Variants in MLLT10 observed in about 807,000 individuals in gnomAD.
MLLT10 encodes protein AF-10.
In MLLT10, 30 loss-of-function variants were observed where a neutral mutation model predicts 129.1. The ratio of observed to expected loss-of-function variants is 0.23; its 90% CI spans 0.17 to 0.32. The LOEUF is 0.32. MLLT10 is among the 10% of genes least tolerant of loss of function. MLLT10 has a pLI of 1.00. For missense variants in MLLT10, 1,119 were observed against 1,268.3 expected, an observed-to-expected ratio of 0.88 and a Z score of 1.79; for synonymous variants, 490 against 446.4, an observed-to-expected ratio of 1.10 and a Z score of -1.23.
At position 21,733,749 on chromosome 10, in the gene MLLT10, C is replaced by T; in HGVS notation, c.2497-19C>T. On this transcript the variant is annotated intron_variant, in intron 19 of 22. Transcript: ENST00000307729. Reference sequence around the variant, plus strand: ...ACTTAATGTCCAGTGGACTTAGTTTCTCTTCTTTCTTACGCTAGGACTTAA... The same window carrying T: ...ACTTAATGTCCAGTGGACTTAGTTTTTCTTCTTTCTTACGCTAGGACTTAA... 2 of 1,586,720 alleles carry T rather than the reference C, an allele frequency of 1.3e-6. No individual in the cohort carries two copies. Among genetic ancestry groups the T allele is most frequent in the East Asian group, 2.2e-5 (1 of 44,624 alleles).
rs1010148341 is a variant in MLLT10, at chr10:21,552,901, C to T, written c.240+13989C>T. ...CTTTCTTCTCTCCCCTTTTACTTTC[C>T]CTTGTCTTTCCTCCCCCTTCCTTTC... On this transcript the variant is annotated intron_variant, in intron 3 of 22. Transcript: ENST00000307729. 6.6e-5 allele frequency among the ~76,000 whole-genome samples: 10 copies of T among 151,704 alleles called. No homozygotes were observed. The East Asian group carries it at 1.7e-3, about 26-fold the overall frequency.
intron 21 of MLLT10, among the ~76,000 whole-genome samples, chr10:21,738,925 C>A (rs1181242154): frequency 6.6e-6 from 1 of 152,128 alleles, no homozygotes. Flanking sequence ...CCAGCCAGAC[C>A]TCTCTCTGGA....
At chr10:21,681,446 C>A in intron 12 of MLLT10, 70 bp downstream of exon 12, 1 of 1,055,238 alleles carries the variant, frequency 9.5e-7, no homozygotes. Context: ...GTATGTTATG[C>A]CACCTCGGAA....
chr10:21,597,970 T>C (rs2043173177), intron 5 of MLLT10, among the ~76,000 whole-genome samples: 3 of 152,354 alleles, frequency 2.0e-5, no homozygotes, highest in Admixed American at 1.3e-4. Context: ...TTTCTTTTTA[T>C]AGTCAGTATG....
chr10:21,692,751 T>C (rs2053996301), intron 13 of MLLT10, among the ~76,000 whole-genome samples: 1 of 152,030 alleles, frequency 6.6e-6, no homozygotes, highest in Non-Finnish European at 1.5e-5. Context: ...CCTCCCGAAG[T>C]GCTGGGATTA....
Position 21,681,365 on chromosome 10 carries a change from G to T in MLLT10, c.1655G>T (p.Cys552Phe). Residue 552 changes from cysteine to phenylalanine, a missense_variant, in exon 12 of 23, where the codon TGC (cysteine) becomes TTC (phenylalanine). Cys to Phe is a radical substitution (Grantham distance 205). This residue lies in a region of MLLT10 where 1,004 missense variants were observed against 1,008.7 expected (regional missense o/e 1.00). Coordinates refer to ENST00000307729, the MANE Select transcript of MLLT10 (RefSeq NM_001195626.3). ...ATGCAGTATCGGCATGATGGAGCTT[G>T]CCCAACAACTAGTAAGTTGTCAAAC... ...ISMQYRHDGA[C>F]PTTTFSELLN... The T allele has an allele frequency of 6.2e-7, 1 of 1,611,312 alleles. No individual in the cohort carries two copies. Among genetic ancestry groups the T allele is most frequent in the African/African-American group, 1.3e-5 (1 of 74,772 alleles).
At position 21,740,122 on chromosome 10, in the gene MLLT10, A is replaced by G. The variant is rs2058706911; in HGVS notation, c.3048A>G (p.Pro1016=). The change falls in exon 22 of 23, where the codon CCA becomes CCG. Residue 1016 remains proline (P), a synonymous_variant. Transcript: ENST00000307729. ...TTCAGCAGCTGCAGATCCCTGGACC[A>G]ACACAAATACCCATAAACAACCTTC... ...PELQQLQIPG[P]TQIPINNLLA... is the part of the protein sequence containing the mutation. The G allele has an allele frequency of 6.2e-7, 1 of 1,614,044 alleles. No homozygotes were observed. The highest frequency in any genetic ancestry group is 1.7e-5 in the Admixed American group (1 of 59,996).
intron 14 of MLLT10, among the ~76,000 whole-genome samples, chr10:21,722,422 C>T (rs567715976): frequency 6.6e-6 from 1 of 152,266 alleles, no homozygotes; most frequent in South Asian, 2.1e-4. Context: ...TTTTCAAAAT[C>T]CGTTTCCAAA....
At chr10:21,550,773 T>C (rs2036869256) in intron 3 of MLLT10, among the ~76,000 whole-genome samples, 4 of 152,012 alleles carry the variant, frequency 2.6e-5, no homozygotes, top group Admixed American at 6.6e-5. Context: ...TTCAAGTGAT[T>C]TGCCTGACTC....
At chr10:21,559,487 A>G (rs1328212416) in intron 3 of MLLT10, among the ~76,000 whole-genome samples, 1 of 152,260 alleles carries the variant, frequency 6.6e-6, no homozygotes. Flanking sequence ...AATACAAAAT[A>G]TACCATTTTA....
At chr10:21,670,805 A>G (rs1426778315) in intron 10 of MLLT10, 101 bp downstream of exon 10, 1 of 1,269,062 alleles carries the variant, frequency 7.9e-7, no homozygotes, top group Non-Finnish European at 1.1e-6. Context: ...TAACTAATGG[A>G]TGTTCTAGAT....
chr10:21,731,174 A>G lies in MLLT10; in HGVS notation c.2218+120A>G, dbSNP rs2057937564. Reference sequence around the variant, plus strand: ...AATGGGATTATGATATACATTTTATATAATACAGTGAGAGAAAGTATAAGG... The same window carrying G: ...AATGGGATTATGATATACATTTTATGTAATACAGTGAGAGAAAGTATAAGG... On this transcript the variant is annotated intron_variant, in intron 17 of 22. Transcript: ENST00000307729. 53 of 915,944 alleles carry G rather than the reference A, an allele frequency of 5.8e-5. No individual in the cohort carries two copies. The South Asian group carries it at 9.0e-4, about 16-fold the overall frequency. The allele number at this position is 915,944 out of a possible 1,614,324, so 56.7% of individuals were successfully genotyped here. A position where few individuals can be genotyped will look rare whatever the true frequency, so the allele number is the denominator to read the frequency against.
At chr10:21,634,260 A>G (rs538712182) in intron 8 of MLLT10, among the ~76,000 whole-genome samples, 1 of 152,216 alleles carries the variant, frequency 6.6e-6, no homozygotes, top group East Asian at 1.9e-4. Flanking sequence ...AGGATTTTCT[A>G]CCTTTCATGA....
intron 13 of MLLT10, among the ~76,000 whole-genome samples, chr10:21,695,604 T>G (rs184495587): frequency 1.3e-5 from 2 of 152,312 alleles, no homozygotes; most frequent in Non-Finnish European, 2.9e-5. Flanking sequence ...GCCATTTCTA[T>G]TTTCGAAGTG....
At chr10:21,625,212 GCTCTTTC>G in intron 8 of MLLT10, 1 of 1,488,556 alleles carries the variant, frequency 6.7e-7, no homozygotes, top group East Asian at 2.3e-5. Context: ...GCAGCTTGGC[GCTCTTTC>G]CTTTTCTTGT....
intron 8 of MLLT10, among the ~76,000 whole-genome samples, chr10:21,647,686 C>T (rs527713012): frequency 1.3e-5 from 2 of 149,162 alleles, no homozygotes; most frequent in African/African-American, 2.5e-5. Context: ...TGTTTACTGG[C>T]TCTTTTTTTT....
At chr10:21,561,994 C>T (rs185347403) in intron 3 of MLLT10, among the ~76,000 whole-genome samples, 6 of 152,044 alleles carry the variant, frequency 3.9e-5, no homozygotes, top group South Asian at 2.1e-4. Context: ...TTAGTAGAGA[C>T]GGGGTTTCTC....
chr10:21,543,713 C>T lies in MLLT10; in HGVS notation c.240+4801C>T, dbSNP rs185280751. Among the ~76,000 whole-genome samples the T allele has an allele frequency of 7.9e-5, 12 of 151,654 alleles. No homozygotes were observed. The East Asian group carries it at 1.2e-3, about 15-fold the overall frequency. On this transcript the variant is annotated intron_variant, in intron 3 of 22. Transcript: ENST00000307729. ...AGACTGATCTCGAACTGCTGACCTC[C>T]GGTGATCTGCCCACCTTGGCCTCCC...
intron 13 of MLLT10, among the ~76,000 whole-genome samples, chr10:21,700,047 T>C (rs997825604): frequency 6.6e-6 from 1 of 152,120 alleles, no homozygotes; most frequent in African/African-American, 2.4e-5. Context: ...TTTCAATTTC[T>C]TTCATCAGTG....
Sources: allele counts gnomAD v4.1 joint callset (sites outside exome capture counted in the v4.1 genomes callset), GRCh38; gene constraint gnomAD v4.1.1; regional missense constraint gnomAD v4.1.1; transcripts MANE v1.5; gene names NCBI Gene and HGNC (gene_info 2026-07-23, HGNC 2026-07-21).